The following CTNNAL1 variants were observed in gnomAD, a reference collection of about 807,000 sequenced individuals.
The protein encoded by CTNNAL1 is catenin alpha like 1.
A neutral mutation model predicts 93.6 loss-of-function variants in CTNNAL1; 69 were observed. That is an observed-to-expected ratio of 0.74 (90% CI 0.61 to 0.90). The LOEUF is 0.90. Among genes scored for constraint, CTNNAL1 ranks in the 40% least tolerant of loss-of-function variants. CTNNAL1 has a pLI of 0.00. For missense variants in CTNNAL1, 836 were observed against 862.0 expected (o/e 0.97, Z 0.38); for synonymous variants, 286 against 305.4 (o/e 0.94, Z 0.66).
intron 14 of CTNNAL1, 125 bp from the exon 15 acceptor site, chr9:108,948,359 A>G: frequency 1.3e-6 from 1 of 769,270 alleles, no homozygotes; most frequent in Admixed American, 3.4e-5. Flanking sequence ...TAATATGAAT[A>G]GACTGATAAT....
At chr9:108,968,830 C>T (rs1425129651) in intron 10 of CTNNAL1, among the ~76,000 whole-genome samples, 1 of 152,140 alleles carries the variant, frequency 6.6e-6, no homozygotes, top group Admixed American at 6.5e-5. Flanking sequence ...TCAACCTCTA[C>T]TGCCCAATAT....
chr9:108,952,043 C>G (rs1045344786), intron 14 of CTNNAL1, among the ~76,000 whole-genome samples, 166 bp downstream of exon 14: 4 of 152,164 alleles, frequency 2.6e-5, no homozygotes, highest in African/African-American at 9.7e-5. Flanking sequence ...ATACATGTGT[C>G]TTGTTGTTGC....
At chr9:108,964,263 C>T (rs927620344) in intron 11 of CTNNAL1, among the ~76,000 whole-genome samples, 3 of 151,554 alleles carry the variant, frequency 2.0e-5, no homozygotes, top group Non-Finnish European at 4.4e-5. Flanking sequence ...TCTATTATGC[C>T]CTGATTTTTA....
intron 8 of CTNNAL1, 31 bp from the exon 9 acceptor site, chr9:108,972,864 G>GGGGGGGCCC: frequency 1.8e-4 from 25 of 142,426 alleles, no homozygotes; most frequent in Non-Finnish European, 2.5e-4. Context: ...GGGGGGGTGG[G>GGGGGGGCCC]AGGGTGGAGA....
chr9:108,944,639 T>A (rs1042680117), intron 15 of CTNNAL1, among the ~76,000 whole-genome samples: 1 of 152,290 alleles, frequency 6.6e-6, no homozygotes, highest in South Asian at 2.1e-4. Flanking sequence ...TTTAGCATAT[T>A]ATGTTAAAAT....
Position 108,972,864 on chromosome 9 carries a change from G to T in CTNNAL1, c.1189-31C>A, listed in dbSNP as rs771878768. ...GATGTGTGTGTGGGTGGGGGGGTGG[G>T]AGGGTGGAGAAGGAGAAGGGTGATG... is the stretch of plus-strand genomic sequence containing the variant. On this transcript the variant is annotated intron_variant, in intron 8 of 18. Transcript: ENST00000325551. 1.4e-4 allele frequency: 20 copies of T among 142,578 alleles called. 1 individual carries two copies. Among genetic ancestry groups the T allele is most frequent in the Admixed American group, 4.0e-4 (2 of 4,996 alleles). 8.8% of individuals were successfully genotyped at this position (142,578 alleles called of 1,614,324 possible). A position where few individuals can be genotyped will look rare whatever the true frequency, so the allele number is the denominator to read the frequency against.
chr9:108,959,884 A>T (rs1830782744), intron 11 of CTNNAL1, among the ~76,000 whole-genome samples: 1 of 152,186 alleles, frequency 6.6e-6, no homozygotes, highest in Admixed American at 6.5e-5. Context: ...AGGCCCTCTC[A>T]TCTTAAGGGA....
At chr9:108,955,463 T>A (rs1343900536) in intron 12 of CTNNAL1, among the ~76,000 whole-genome samples, 3 of 152,244 alleles carry the variant, frequency 2.0e-5, no homozygotes, top group African/African-American at 7.2e-5. Context: ...TCAAAGTAGA[T>A]CCAAGATTGG....
intron 4 of CTNNAL1, among the ~76,000 whole-genome samples, chr9:108,987,495 T>C (rs1831650435): frequency 6.6e-6 from 1 of 152,108 alleles, no homozygotes. Context: ...TGGCTTAGGA[T>C]TGACTTGGCA....
chr9:109,000,944 C>T (rs1391497381), intron 1 of CTNNAL1, among the ~76,000 whole-genome samples: 4 of 149,472 alleles, frequency 2.7e-5, no homozygotes, highest in African/African-American at 9.9e-5. Context: ...AGGCGGATCA[C>T]AAGGTCAGGA....
At chr9:109,004,642 C>T (rs182577217) in intron 1 of CTNNAL1, among the ~76,000 whole-genome samples, 37 of 152,048 alleles carry the variant, frequency 2.4e-4, no homozygotes, top group South Asian at 4.1e-4. Context: ...AAAAATTAGC[C>T]GGGCATGGTG....
chr9:108,969,042 C>A (rs1046434997), intron 10 of CTNNAL1, among the ~76,000 whole-genome samples: 1 of 151,898 alleles, frequency 6.6e-6, no homozygotes, highest in African/African-American at 2.4e-5. Context: ...GAGGCCGAGG[C>A]GGGGGGATCA....
At chr9:108,994,763 G>A (rs1410077332) in intron 2 of CTNNAL1, among the ~76,000 whole-genome samples, 1 of 152,170 alleles carries the variant, frequency 6.6e-6, no homozygotes, top group African/African-American at 2.4e-5. Flanking sequence ...GGTGGAAGTG[G>A]TGGTATGTCA....
chr9:108,997,128 C>G (rs562150168), intron 2 of CTNNAL1, among the ~76,000 whole-genome samples: 1 of 152,120 alleles, frequency 6.6e-6, no homozygotes, highest in Non-Finnish European at 1.5e-5. Context: ...AAGGATATCC[C>G]CCCCTGCTTC....
chr9:108,944,725 TAATG>T (rs1830349937), intron 15 of CTNNAL1, among the ~76,000 whole-genome samples: 2 of 152,092 alleles, frequency 1.3e-5, no homozygotes, highest in South Asian at 2.1e-4. Context: ...GCGTCAGTAA[TAATG>T]GAGAGAACAG....
chr9:108,987,403 C>A (rs937709886), intron 4 of CTNNAL1, among the ~76,000 whole-genome samples: 3 of 152,196 alleles, frequency 2.0e-5, no homozygotes, highest in Non-Finnish European at 4.4e-5. Context: ...TGTTTTGGCA[C>A]CAGTACCATA....
At chr9:108,953,879 C>T (rs927212607) in intron 12 of CTNNAL1, among the ~76,000 whole-genome samples, 4 of 152,258 alleles carry the variant, frequency 2.6e-5, no homozygotes, top group African/African-American at 9.6e-5. Context: ...GACCAATGAT[C>T]TCTCTGGCTC....
intron 10 of CTNNAL1, 29 bp downstream of exon 10, chr9:108,970,373 A>G: frequency 6.3e-7 from 1 of 1,594,062 alleles, no homozygotes; most frequent in Non-Finnish European, 8.5e-7. Context: ...AGGACACAAT[A>G]CAGAAGGAGC....
At chr9:108,973,849 G>A (rs1831187480) in intron 8 of CTNNAL1, among the ~76,000 whole-genome samples, 1 of 151,972 alleles carries the variant, frequency 6.6e-6, no homozygotes, top group Non-Finnish European at 1.5e-5. Context: ...TTAGAGGATT[G>A]TCTCCAAAAT....
Sources: allele counts gnomAD v4.1 joint callset (sites outside exome capture counted in the v4.1 genomes callset), GRCh38; gene constraint gnomAD v4.1.1; transcripts MANE v1.5; gene names NCBI Gene and HGNC (gene_info 2026-07-23, HGNC 2026-07-21).